The following RHOBTB1 variants were observed in gnomAD, a reference collection of about 807,000 sequenced individuals.
The protein encoded by RHOBTB1 is Rho related BTB domain containing 1, also known as rho-related BTB domain-containing protein 1.
A neutral mutation model predicts 71.6 loss-of-function variants in RHOBTB1; 40 were observed. The ratio of observed to expected loss-of-function variants is 0.56; its 90% CI spans 0.43 to 0.73. RHOBTB1 has a LOEUF of 0.73. Among genes scored for constraint, RHOBTB1 ranks in the 30% least tolerant of loss-of-function variants. The pLI is 0.00. For missense variants in RHOBTB1, 797 were observed against 894.0 expected (o/e 0.89, Z 1.38); for synonymous variants, 319 against 334.9 (o/e 0.95, Z 0.52).
intron 1 of RHOBTB1, among the ~76,000 whole-genome samples, chr10:61,001,229 C>A (rs1197118058): frequency 6.6e-6 from 1 of 152,110 alleles, no homozygotes; most frequent in African/African-American, 2.4e-5. Flanking sequence ...GTAACCAGGT[C>A]ACCCTCCTTT....
chr10:60,929,432 A>C (rs913614153), intron 2 of RHOBTB1, among the ~76,000 whole-genome samples: 1 of 152,246 alleles, frequency 6.6e-6, no homozygotes, highest in Non-Finnish European at 1.5e-5. Flanking sequence ...TCAAAGACTC[A>C]GGTCAAAAAC....
Position 60,910,877 on chromosome 10 carries a change from C to A in RHOBTB1, c.296+10G>T, listed in dbSNP as rs1479663187. The A allele has an allele frequency of 6.2e-7, 1 of 1,605,024 alleles. No individual in the cohort carries two copies. Among genetic ancestry groups the A allele is most frequent in the South Asian group, 1.1e-5 (1 of 90,872 alleles). Reference sequence around the variant, plus strand: ...TCAAGCTCAACCACGCTGTACTAGTCTTGGTTTACCTGCCATATGCAAAGC... The same window carrying A: ...TCAAGCTCAACCACGCTGTACTAGTATTGGTTTACCTGCCATATGCAAAGC... On this transcript the variant is annotated intron_variant, in intron 4 of 10. Coordinates refer to ENST00000337910, the MANE Select transcript of RHOBTB1 (RefSeq NM_014836.5).
chr10:60,997,358 AC>A (rs2087093215), intron 1 of RHOBTB1, among the ~76,000 whole-genome samples: 1 of 152,126 alleles, frequency 6.6e-6, no homozygotes, highest in Admixed American at 6.5e-5. Context: ...GCAATCTCAA[AC>A]CTATTAATTC....
chr10:60,969,452 G>T (rs1390250694), intron 2 of RHOBTB1, among the ~76,000 whole-genome samples: 1 of 152,086 alleles, frequency 6.6e-6, no homozygotes, highest in Non-Finnish European at 1.5e-5. Flanking sequence ...AAAGTGAGTA[G>T]GGTGTTGAAG....
intron 2 of RHOBTB1, among the ~76,000 whole-genome samples, chr10:60,919,123 T>G (rs753820695): frequency 1.7e-4 from 26 of 152,202 alleles, no homozygotes; most frequent in Non-Finnish European, 2.1e-4. Context: ...GAGGGACCTT[T>G]GTAGTCTTAT....
chr10:60,874,422 T>C (rs2080945179), intron 9 of RHOBTB1, among the ~76,000 whole-genome samples: 1 of 152,214 alleles, frequency 6.6e-6, no homozygotes, highest in South Asian at 2.1e-4. Flanking sequence ...GTTTAGCTTG[T>C]GCTTTGGGGA....
At chr10:60,915,743 C>T (rs1417164606) in intron 2 of RHOBTB1, among the ~76,000 whole-genome samples, 2 of 152,192 alleles carry the variant, frequency 1.3e-5, no homozygotes, top group Non-Finnish European at 2.9e-5. Flanking sequence ...ATCACCCCAT[C>T]TGGTCTGATC....
chr10:60,946,668 G>A (rs1018393894), upstream of RHOBTB1, among the ~76,000 whole-genome samples: 2 of 152,028 alleles, frequency 1.3e-5, no homozygotes, highest in African/African-American at 4.8e-5. Flanking sequence ...CATTTTCTCA[G>A]TTCTAAGTTA....
downstream of RHOBTB1, among the ~76,000 whole-genome samples, chr10:60,867,591 C>G (rs1197164054): frequency 1.3e-5 from 2 of 152,190 alleles, no homozygotes; most frequent in Non-Finnish European, 2.9e-5. Flanking sequence ...TTGGTTTCCA[C>G]CCAAGAGTTA....
chr10:60,881,526 C>A (rs1179953368), intron 7 of RHOBTB1, among the ~76,000 whole-genome samples: 4 of 152,138 alleles, frequency 2.6e-5, no homozygotes, highest in Admixed American at 2.6e-4. Context: ...CGTGATAGCG[C>A]AAGAGCCTGG....
chr10:60,969,870 G>T (rs2086094979), intron 2 of RHOBTB1, among the ~76,000 whole-genome samples: 1 of 151,968 alleles, frequency 6.6e-6, no homozygotes, highest in South Asian at 2.1e-4. Context: ...GGATGATAAT[G>T]GAATATAAGG....
At chr10:60,864,645 C>A (rs868173008), downstream of RHOBTB1, among the ~76,000 whole-genome samples, 14 of 152,008 alleles carry the variant, frequency 9.2e-5, no homozygotes, top group Middle Eastern at 0.024. Context: ...AAGCCCATTT[C>A]TCTAAGAGTT....
intron 2 of RHOBTB1, among the ~76,000 whole-genome samples, chr10:60,919,006 A>G (rs1385701160): frequency 6.6e-6 from 1 of 152,160 alleles, no homozygotes; most frequent in Non-Finnish European, 1.5e-5. Flanking sequence ...TCGGCCTCCC[A>G]AAGTGCTGCG....
chr10:60,904,571 T>C (rs1057169649), intron 4 of RHOBTB1, among the ~76,000 whole-genome samples: 2 of 152,230 alleles, frequency 1.3e-5, no homozygotes, highest in South Asian at 2.1e-4. Context: ...GCTCTCTCTC[T>C]AATCGTCAAA....
chr10:60,976,001 T>C (rs947179825), intron 2 of RHOBTB1, among the ~76,000 whole-genome samples: 2 of 152,060 alleles, frequency 1.3e-5, no homozygotes, highest in Non-Finnish European at 2.9e-5. Context: ...TAGAAAGTGA[T>C]ATAAATTCAC....
chr10:60,918,722 T>A (rs766473768), intron 2 of RHOBTB1, among the ~76,000 whole-genome samples: 36 of 152,032 alleles, frequency 2.4e-4, no homozygotes, highest in Admixed American at 7.2e-4. Flanking sequence ...TGTCTCTTGT[T>A]ATATTTGCAT....
At chr10:60,940,432 T>C (rs573348011) in intron 2 of RHOBTB1, among the ~76,000 whole-genome samples, 16 of 152,338 alleles carry the variant, frequency 1.1e-4, no homozygotes, top group African/African-American at 1.7e-4. Flanking sequence ...TCTTGCTTAA[T>C]ATTTGGTTGT....
rs543205003 is a variant in RHOBTB1, at chr10:60,982,799, A to C, written c.-62+3046T>G. On this transcript the variant is annotated intron_variant, in intron 2 of 11. Transcript: ENST00000357917. ...CACACATAGTAAGTTACAGGGCTAG[A>C]ATGCATGTAGACTCTCACTCTTGAA... Among the ~76,000 whole-genome samples, 7 of 152,278 alleles carry C rather than the reference A, an allele frequency of 4.6e-5. No homozygotes were observed. The South Asian group carries it at 1.5e-3, about 32-fold the overall frequency.
At chr10:60,874,327 C>G (rs1274183652) in intron 9 of RHOBTB1, among the ~76,000 whole-genome samples, 1 of 152,216 alleles carries the variant, frequency 6.6e-6, no homozygotes, top group African/African-American at 2.4e-5. Context: ...AACATTCTCT[C>G]CCACTTCATT....
Sources: allele counts gnomAD v4.1 joint callset (sites outside exome capture counted in the v4.1 genomes callset), GRCh38; gene constraint gnomAD v4.1.1; transcripts MANE v1.5; gene names NCBI Gene and HGNC (gene_info 2026-07-23, HGNC 2026-07-21).